The following CENPP variants were observed in gnomAD, a reference collection of about 807,000 sequenced individuals.
The protein encoded by CENPP is centromere protein P.
Under a neutral mutation model 35.6 loss-of-function variants are expected in CENPP, and 24 were observed. That is an observed-to-expected ratio of 0.67 (90% CI 0.49 to 0.95). The LOEUF (loss-of-function observed/expected upper bound fraction) is 0.95. Among genes scored for constraint, CENPP ranks in the 40% least tolerant of loss-of-function variants. The pLI is 0.00. For synonymous variants in CENPP, 120 were observed against 125.5 expected (o/e 0.96, Z 0.29); for missense variants, 332 against 345.3 (o/e 0.96, Z 0.31).
At chr9:92,525,592 T>C (rs962366810) in intron 5 of CENPP, among the ~76,000 whole-genome samples, 1 of 152,130 alleles carries the variant, frequency 6.6e-6, no homozygotes, top group African/African-American at 2.4e-5. Context: ...CTTCCAGTCA[T>C]ATAAAAATAC....
At chr9:92,354,969 A>C (rs1202408108) in intron 4 of CENPP, among the ~76,000 whole-genome samples, 3 of 152,182 alleles carry the variant, frequency 2.0e-5, no homozygotes, top group Non-Finnish European at 4.4e-5. Context: ...AGGTACAAAG[A>C]TCACATGCTT....
At chr9:92,533,283 G>C (rs1480234364) in intron 5 of CENPP, among the ~76,000 whole-genome samples, 2 of 115,592 alleles carry the variant, frequency 1.7e-5, no homozygotes, top group African/African-American at 6.8e-5. Context: ...CTGGGCGATA[G>C]AGTGAGACTC....
rs185202924 is a variant in CENPP at position 92,558,196 on chromosome 9, T to G, written c.565-53118T>G. 4.6e-5 allele frequency among the ~76,000 whole-genome samples: 7 copies of G among 152,326 alleles called. 1 individual carries two copies. The highest frequency in any genetic ancestry group is 1.4e-4 in the African/African-American group (6 of 41,558). ...ATTGCTGGTGAACTAATGTGATTTT[T>G]GGGGGATGCTGAAGAGCCTTGTTTT... On this transcript the variant is annotated intron_variant, in intron 5 of 7. Coordinates refer to ENST00000375587, the MANE Select transcript of CENPP (RefSeq NM_001012267.3).
chr9:92,550,498 A>G (rs1849565888), intron 5 of CENPP, among the ~76,000 whole-genome samples: 1 of 152,126 alleles, frequency 6.6e-6, no homozygotes, highest in South Asian at 2.1e-4. Flanking sequence ...TGAGAATTAA[A>G]ATAAACTGTA....
chr9:92,549,578 C>T (rs1297901533), intron 5 of CENPP, among the ~76,000 whole-genome samples: 1 of 146,440 alleles, frequency 6.8e-6, no homozygotes, highest in Non-Finnish European at 1.5e-5. Context: ...ACCTGGGAGG[C>T]AAAGGTTACA....
intron 5 of CENPP, among the ~76,000 whole-genome samples, chr9:92,504,886 C>A (rs1846905023): frequency 6.6e-6 from 1 of 152,140 alleles, no homozygotes; most frequent in Admixed American, 6.5e-5. Flanking sequence ...CATTCATCAG[C>A]CAAAGACCCC....
intron 4 of CENPP, among the ~76,000 whole-genome samples, chr9:92,346,636 A>G (rs369721794): frequency 6.6e-6 from 1 of 152,202 alleles, no homozygotes. Flanking sequence ...TCCTAGAAAG[A>G]ATTATTCTGG....
At chr9:92,514,674 TA>T in intron 5 of CENPP, 1 of 1,606,122 alleles carries the variant, frequency 6.2e-7, no homozygotes, top group South Asian at 1.1e-5. Flanking sequence ...TCAGCGGTGG[TA>T]TCTGGGTAAG....
intron 5 of CENPP, chr9:92,496,536 T>C: frequency 1.9e-6 from 3 of 1,567,450 alleles, no homozygotes; most frequent in Non-Finnish European, 2.6e-6. Context: ...TAATCTGCCT[T>C]TAGGAGTTAA....
chr9:92,508,377 G>A (rs979690454), intron 5 of CENPP, among the ~76,000 whole-genome samples: 3 of 152,228 alleles, frequency 2.0e-5, no homozygotes, highest in African/African-American at 4.8e-5. Context: ...CTGGCTTCCT[G>A]TCAACACTCT....
At chr9:92,337,355 A>C (rs1164484653) in intron 2 of CENPP, among the ~76,000 whole-genome samples, 186 bp from the exon 3 acceptor site, 1 of 152,196 alleles carries the variant, frequency 6.6e-6, no homozygotes, top group African/African-American at 2.4e-5. Context: ...ACAAGTTATC[A>C]TTAATTTTAT....
intron 5 of CENPP, among the ~76,000 whole-genome samples, chr9:92,561,337 TCATGGAACTG>T (rs1317623359): frequency 6.6e-6 from 1 of 152,204 alleles, no homozygotes; most frequent in Non-Finnish European, 1.5e-5. Context: ...TGTAGATAAT[TCATGGAACTG>T]CAGAAATGGA....
intron 5 of CENPP, among the ~76,000 whole-genome samples, chr9:92,435,128 C>G (rs1844216720): frequency 6.6e-6 from 1 of 152,102 alleles, no homozygotes; most frequent in Admixed American, 6.5e-5. Flanking sequence ...AGACATAATC[C>G]AGGGATGAAA....
intron 5 of CENPP, among the ~76,000 whole-genome samples, chr9:92,559,557 G>A (rs964707144): frequency 2.6e-5 from 4 of 152,252 alleles, no homozygotes; most frequent in Admixed American, 6.5e-5. Context: ...TCTTGCAGTC[G>A]ATCTGGAGCT....
At chr9:92,346,491 G>T (rs1564270877) in intron 4 of CENPP, among the ~76,000 whole-genome samples, 2 of 152,186 alleles carry the variant, frequency 1.3e-5, no homozygotes, top group Admixed American at 1.3e-4. Context: ...GGAGAATGGT[G>T]TAAGATGAGG....
intron 5 of CENPP, chr9:92,403,196 G>T: frequency 7.2e-7 from 1 of 1,390,318 alleles, no homozygotes; most frequent in African/African-American, 1.4e-5. Flanking sequence ...TAAATGGGCA[G>T]TATTTTAGAA....
At chr9:92,562,458 G>A (rs111372538) in intron 5 of CENPP, among the ~76,000 whole-genome samples, 8 of 151,772 alleles carry the variant, frequency 5.3e-5, no homozygotes, top group Admixed American at 1.3e-4. Context: ...CACCTGCCTC[G>A]GCCTCCCAAA....
chr9:92,441,881 G>C (rs1317213937), intron 5 of CENPP, among the ~76,000 whole-genome samples: 2 of 152,134 alleles, frequency 1.3e-5, no homozygotes, highest in Non-Finnish European at 2.9e-5. Context: ...TTGGCAAGTT[G>C]AACATTTGCT....
chr9:92,528,891 T>C (rs1337776638), intron 5 of CENPP, among the ~76,000 whole-genome samples: 1 of 152,256 alleles, frequency 6.6e-6, no homozygotes, highest in Non-Finnish European at 1.5e-5. Flanking sequence ...AAAATCAGTT[T>C]ATTGAAACCA....
Sources: allele counts gnomAD v4.1 joint callset (sites outside exome capture counted in the v4.1 genomes callset), GRCh38; gene constraint gnomAD v4.1.1; transcripts MANE v1.5; gene names NCBI Gene and HGNC (gene_info 2026-07-23, HGNC 2026-07-21).